PCSK6: variants seen among roughly 807,000 people sequenced by gnomAD.
PCSK6 encodes the protein proprotein convertase subtilisin/kexin type 6.
Under a neutral mutation model 123.3 loss-of-function variants are expected in PCSK6, and 85 were observed. The ratio of observed to expected loss-of-function variants is 0.69; its 90% CI spans 0.58 to 0.83. The LOEUF is 0.83. Among genes scored for constraint, PCSK6 ranks in the 40% least tolerant of loss-of-function variants. The pLI is 0.00. For missense variants in PCSK6, 1,191 were observed against 1,282.3 expected (o/e 0.93, Z 1.09); for synonymous variants, 508 against 516.0 (o/e 0.98, Z 0.21).
chr15:101,354,423 G>A (rs1045216139), intron 13 of PCSK6, among the ~76,000 whole-genome samples: 3 of 152,174 alleles, frequency 2.0e-5, no homozygotes, highest in Non-Finnish European at 4.4e-5. Flanking sequence ...TCAGTCAAAC[G>A]TAAAAGAAAC....
chr15:101,336,549 G>A (rs2040482919), intron 13 of PCSK6, among the ~76,000 whole-genome samples: 1 of 152,202 alleles, frequency 6.6e-6, no homozygotes, highest in Non-Finnish European at 1.5e-5. Flanking sequence ...ATGAGAAACG[G>A]AGCATCCTTT....
chr15:101,462,131 G>T (rs976379244), intron 1 of PCSK6, among the ~76,000 whole-genome samples: 7 of 152,174 alleles, frequency 4.6e-5, no homozygotes, highest in Non-Finnish European at 1.0e-4. Flanking sequence ...AGAAATAAGG[G>T]ACTTTATTGA....
intron 10 of PCSK6, chr15:101,384,083 C>T: frequency 1.0e-6 from 1 of 982,702 alleles, no homozygotes; most frequent in South Asian, 4.7e-5. Context: ...CTCGGTGTGG[C>T]CAAAGTTATA....
intron 1 of PCSK6, among the ~76,000 whole-genome samples, chr15:101,444,200 T>C (rs6422008): frequency 0.92 from 140,159 of 152,236 alleles, 64,790 homozygotes; most frequent in African/African-American, 0.98. Flanking sequence ...CATCTAAACC[T>C]CCGAGGTGTC....
chr15:101,335,743 T>C (rs55743926), intron 13 of PCSK6, among the ~76,000 whole-genome samples: 20,557 of 152,246 alleles, frequency 0.14, 1,907 homozygotes, highest in Admixed American at 0.26. Flanking sequence ...TTGGCAATTA[T>C]AGTCATGTGT....
chr15:101,344,455 C>T (rs2040686689), intron 13 of PCSK6, among the ~76,000 whole-genome samples: 3 of 152,140 alleles, frequency 2.0e-5, no homozygotes, highest in South Asian at 4.1e-4. Flanking sequence ...TTTGCCATAA[C>T]ATTTCTGTTT....
intron 13 of PCSK6, among the ~76,000 whole-genome samples, chr15:101,362,507 T>G (rs2041261791): frequency 6.6e-6 from 1 of 151,700 alleles, no homozygotes; most frequent in South Asian, 2.1e-4. Flanking sequence ...CGTGCAGGGG[T>G]ATGTGCGAGA....
chr15:101,417,108 T>C (rs1026640134), intron 6 of PCSK6, among the ~76,000 whole-genome samples: 3 of 152,220 alleles, frequency 2.0e-5, no homozygotes, highest in Non-Finnish European at 4.4e-5. Flanking sequence ...TATTATATCC[T>C]GTGCTATTCT....
rs752019209 is a variant in PCSK6 at position 101,489,494 on chromosome 15, G to A, written c.177C>T (p.Ala59=). Residue 59 remains alanine, a synonymous_variant, in exon 1 of 22, where the codon GCC becomes GCT. Coordinates refer to ENST00000611716, the MANE Select transcript of PCSK6 (RefSeq NM_002570.5). ...WRWLLLLALP[A]ACSAPPPRPV... is the part of the protein sequence containing the mutation. Reference sequence around the variant, plus strand: ...GGCGCGGCGGGGGCGCGGAGCAGGCGGCAGGCAGCGCCAGCAGCAGCAGCC... The same window carrying A: ...GGCGCGGCGGGGGCGCGGAGCAGGCAGCAGGCAGCGCCAGCAGCAGCAGCC... The A allele has an allele frequency of 5.5e-5, 59 of 1,065,580 alleles. 2 individuals carry two copies. The South Asian group carries it at 1.4e-3, about 25-fold the overall frequency. The allele number at this position is 1,065,580 out of a possible 1,614,324, so 66.0% of individuals were successfully genotyped here.
intron 1 of PCSK6, among the ~76,000 whole-genome samples, chr15:101,485,178 C>T (rs1225963435): frequency 6.6e-6 from 1 of 152,194 alleles, no homozygotes; most frequent in African/African-American, 2.4e-5. Flanking sequence ...CTCCAATAAC[C>T]CCCAGCGAAC....
intron 9 of PCSK6, among the ~76,000 whole-genome samples, chr15:101,387,204 A>G (rs1034653629): frequency 6.6e-6 from 1 of 152,162 alleles, no homozygotes; most frequent in Non-Finnish European, 1.5e-5. Context: ...CCTGCGGCCC[A>G]CACGCCAACC....
intron 6 of PCSK6, among the ~76,000 whole-genome samples, chr15:101,412,202 A>G (rs1422573508): frequency 1.3e-5 from 2 of 152,252 alleles, no homozygotes; most frequent in Non-Finnish European, 2.9e-5. Context: ...AAGCCAGCTG[A>G]AACAGAAGGC....
chr15:101,461,396 G>A (rs1340371566), intron 1 of PCSK6, among the ~76,000 whole-genome samples: 1 of 152,096 alleles, frequency 6.6e-6, no homozygotes, highest in Non-Finnish European at 1.5e-5. Context: ...CACAGAACAG[G>A]CCTAGACAGT....
chr15:101,370,468 C>G lies in PCSK6; in HGVS notation c.1588G>C (p.Glu530Gln). The change falls in exon 12 of 22, where the codon GAG (glutamate) becomes CAG (glutamine). Residue 530 changes from glutamate to glutamine, a missense_variant. Transcript: ENST00000611716. ...TAGACCACCCGCTGGTCCGAGTGCT[C>G]CGCGCAGGCGCTGGTCAGGGCCGTA... is the stretch of plus-strand genomic sequence containing the variant. ...RTTALTSACA[E>Q]HSDQRVVYLE... 6.5e-7 allele frequency: 1 copy of G among 1,549,600 alleles called. No individual in the cohort carries two copies. The highest frequency in any genetic ancestry group is 8.7e-7 in the Non-Finnish European group (1 of 1,145,830).
At chr15:101,417,853 T>C (rs1172928646) in intron 6 of PCSK6, among the ~76,000 whole-genome samples, 1 of 150,996 alleles carries the variant, frequency 6.6e-6, no homozygotes, top group Non-Finnish European at 1.5e-5. Flanking sequence ...TTTTTTTTAT[T>C]TTTACGTACA....
At chr15:101,444,531 G>A (rs1030325458) in intron 1 of PCSK6, among the ~76,000 whole-genome samples, 3 of 152,112 alleles carry the variant, frequency 2.0e-5, no homozygotes, top group Non-Finnish European at 4.4e-5. Flanking sequence ...CTTGATTAAA[G>A]GGTAAATTTA....
chr15:101,357,786 C>T (rs979362446), intron 13 of PCSK6, among the ~76,000 whole-genome samples: 2 of 152,164 alleles, frequency 1.3e-5, no homozygotes, highest in Admixed American at 6.5e-5. Context: ...GATTTTCACC[C>T]TTCCTCCTAG....
At position 101,427,781 on chromosome 15, in the gene PCSK6, T is replaced by C; in HGVS notation, c.823+111A>G. On this transcript the variant is annotated intron_variant, in intron 6 of 21. Transcript: ENST00000611716. ...TGCTGCGTCTGGCCCAGGGGTCTGC[T>C]GACATGGCCAAAGCCAAAAAACAGG... The C allele has an allele frequency of 3.8e-6, 3 of 795,892 alleles. No homozygotes were observed. In the South Asian group the frequency reaches 5.0e-5, roughly 13 times the overall value. The allele number at this position is 795,892 out of a possible 1,614,324, so 49.3% of individuals were successfully genotyped here.
intron 2 of PCSK6, among the ~76,000 whole-genome samples, chr15:101,437,772 C>T (rs978649321): frequency 3.9e-5 from 6 of 152,030 alleles, no homozygotes; most frequent in Non-Finnish European, 5.9e-5. Context: ...CTCTCCCCAC[C>T]GCCCGCCACC....
Sources: allele counts gnomAD v4.1 joint callset (sites outside exome capture counted in the v4.1 genomes callset), GRCh38; gene constraint gnomAD v4.1.1; transcripts MANE v1.5; gene names NCBI Gene and HGNC (gene_info 2026-07-23, HGNC 2026-07-21).